Variants in SORCS3 observed in about 807,000 individuals in gnomAD.
SORCS3 encodes the protein VPS10 domain-containing receptor SorCS3.
A neutral mutation model predicts 146.3 loss-of-function variants in SORCS3; 57 were observed. The observed-to-expected ratio is 0.39, with a 90% CI of 0.31 to 0.49. The LOEUF (loss-of-function observed/expected upper bound fraction) is 0.49, where lower values mean the gene tolerates loss of function less well. Ranked by LOEUF, SORCS3 falls within the 20% of genes least tolerant of loss-of-function variation. SORCS3 has a pLI of 0.92. For missense variants in SORCS3, 1,341 were observed against 1,575.5 expected, an observed-to-expected ratio of 0.85 and a Z score of 2.52; for synonymous variants, 653 against 618.5, an observed-to-expected ratio of 1.06 and a Z score of -0.83.
chr10:104,860,855 G>A (rs1028211842), intron 2 of SORCS3, among the ~76,000 whole-genome samples: 4 of 152,132 alleles, frequency 2.6e-5, no homozygotes, highest in Non-Finnish European at 5.9e-5. Context: ...GAGCCTGTGC[G>A]CTTGACCCTC....
intron 16 of SORCS3, among the ~76,000 whole-genome samples, chr10:105,206,178 T>C (rs1589688092): frequency 1.3e-5 from 2 of 152,200 alleles, no homozygotes; most frequent in East Asian, 3.9e-4. Flanking sequence ...AACATTGTTA[T>C]TTACAAAATA....
chr10:104,921,843 C>G (rs910853231), intron 3 of SORCS3, among the ~76,000 whole-genome samples: 1 of 152,098 alleles, frequency 6.6e-6, no homozygotes, highest in African/African-American at 2.4e-5. Context: ...AATCATCACT[C>G]TATTAGTGGT....
intron 1 of SORCS3, among the ~76,000 whole-genome samples, chr10:104,702,172 G>A (rs1390695620): frequency 2.6e-5 from 4 of 152,136 alleles, no homozygotes; most frequent in South Asian, 2.1e-4. Flanking sequence ...CTGTCTATGC[G>A]GACCGCTGTG....
At chr10:105,211,608 A>G (rs1010834715) in intron 17 of SORCS3, among the ~76,000 whole-genome samples, 1 of 152,230 alleles carries the variant, frequency 6.6e-6, no homozygotes, top group African/African-American at 2.4e-5. Flanking sequence ...CTAGTGAAAG[A>G]TGAACTGAAA....
At chr10:104,973,771 C>T (rs954837373) in intron 3 of SORCS3, among the ~76,000 whole-genome samples, 6 of 145,804 alleles carry the variant, frequency 4.1e-5, no homozygotes, top group African/African-American at 1.4e-4. Context: ...TTTTCTAGTT[C>T]TTTTAATTGT....
At chr10:104,989,138 T>G (rs1204572290) in intron 4 of SORCS3, among the ~76,000 whole-genome samples, 3 of 152,342 alleles carry the variant, frequency 2.0e-5, no homozygotes, top group East Asian at 3.9e-4. Context: ...CCGTATAATA[T>G]ATCATTCATT....
chr10:104,847,795 C>T (rs2018223944), intron 2 of SORCS3, among the ~76,000 whole-genome samples: 1 of 152,174 alleles, frequency 6.6e-6, no homozygotes, highest in Admixed American at 6.5e-5. Context: ...ATTGCACCCA[C>T]CCTAGTAGTA....
chr10:105,100,881 G>A (rs143658102), intron 6 of SORCS3, among the ~76,000 whole-genome samples: 1,752 of 152,258 alleles, frequency 0.012, 10 homozygotes, highest in Non-Finnish European at 0.016. Flanking sequence ...GCATAATCTT[G>A]TTTAATCCTG....
At position 105,043,981 on chromosome 10, in the gene SORCS3, T is replaced by C. The variant is rs17118183; in HGVS notation, c.1028+853T>C. On this transcript the variant is annotated intron_variant, in intron 5 of 26. Coordinates refer to ENST00000369701, the MANE Select transcript of SORCS3 (RefSeq NM_014978.3). Reference sequence around the variant, plus strand: ...CATGAAAATGATTCTTACTTTTATCTTGCTTTCATTTTAGCAGAAGTGATG... The same window carrying C: ...CATGAAAATGATTCTTACTTTTATCCTGCTTTCATTTTAGCAGAAGTGATG... Among the ~76,000 whole-genome samples the C allele has an allele frequency of 9.9e-3, 1,510 of 152,258 alleles. 71 individuals carry two copies. Among genetic ancestry groups the C allele is most frequent in the Admixed American group, 0.081 (1,244 of 15,264 alleles).
At chr10:104,892,226 G>A (rs1454252970) in intron 2 of SORCS3, among the ~76,000 whole-genome samples, 1 of 152,202 alleles carries the variant, frequency 6.6e-6, no homozygotes, top group African/African-American at 2.4e-5. Flanking sequence ...TAATGGACTA[G>A]CTCAGTGCTG....
chr10:105,103,321 G>A (rs755116678), intron 6 of SORCS3, among the ~76,000 whole-genome samples: 8 of 152,094 alleles, frequency 5.3e-5, no homozygotes, highest in Non-Finnish European at 1.0e-4. Flanking sequence ...AAGCGTTTGA[G>A]TTTATTAGGA....
chr10:104,668,535 AT>A (rs1451507074), intron 1 of SORCS3, among the ~76,000 whole-genome samples: 2 of 152,164 alleles, frequency 1.3e-5, no homozygotes, highest in Non-Finnish European at 2.9e-5. Flanking sequence ...ATGAATATAT[AT>A]TTGTACCTAC....
At chr10:105,040,446 C>G (rs1029380317) in intron 4 of SORCS3, among the ~76,000 whole-genome samples, 4 of 152,142 alleles carry the variant, frequency 2.6e-5, no homozygotes, top group Admixed American at 6.5e-5. Flanking sequence ...ATATTGGCAC[C>G]TTTGCTCCTG....
At chr10:104,908,368 C>G (rs1357793864) in intron 2 of SORCS3, among the ~76,000 whole-genome samples, 1 of 152,140 alleles carries the variant, frequency 6.6e-6, no homozygotes, top group African/African-American at 2.4e-5. Flanking sequence ...AAAAAGAAAA[C>G]AAGGTGATTT....
At position 105,147,683 on chromosome 10, in the gene SORCS3, G is replaced by A. The variant is rs12218795; in HGVS notation, c.1369G>A (p.Asp457Asn). 8.1e-6 allele frequency: 13 copies of A among 1,613,114 alleles called. No homozygotes were observed. The East Asian group carries it at 1.1e-4, about 14-fold the overall frequency. The change falls in exon 9 of 27, where the codon GAC (aspartate) becomes AAC (asparagine). Residue 457 changes from aspartate to asparagine, a missense_variant. By Grantham distance (23) the Asp-to-Asn change is conservative (BLOSUM62 1). Coordinates refer to ENST00000369701, the MANE Select transcript of SORCS3 (RefSeq NM_014978.3). ...FAAVQEWNQN[D>N]TYNLYISDTR... ...TGCGGTCCAAGAATGGAACCAGAAC[G>A]ACACGTACAACCTCTACATCTCAGA...
intron 1 of SORCS3, among the ~76,000 whole-genome samples, chr10:104,814,443 A>G (rs728453): frequency 0.17 from 25,533 of 152,040 alleles, 2,492 homozygotes; most frequent in African/African-American, 0.27. Flanking sequence ...CCTGATCAGC[A>G]TGCCTCTGTG....
intron 1 of SORCS3, among the ~76,000 whole-genome samples, chr10:104,676,220 C>G (rs1015292508): frequency 3.9e-5 from 6 of 152,050 alleles, no homozygotes; most frequent in Non-Finnish European, 1.5e-5. Context: ...CCTTATTGAA[C>G]AGGTTATGAC....
chr10:104,711,769 G>A (rs772355327), intron 1 of SORCS3, among the ~76,000 whole-genome samples: 1 of 152,228 alleles, frequency 6.6e-6, no homozygotes, highest in Non-Finnish European at 1.5e-5. Context: ...ACAGGCTACT[G>A]AGTCCAGGGT....
At chr10:105,250,032 G>A (rs1411666482) in intron 22 of SORCS3, among the ~76,000 whole-genome samples, 1 of 152,148 alleles carries the variant, frequency 6.6e-6, no homozygotes, top group Non-Finnish European at 1.5e-5. Flanking sequence ...AATTCTGGAG[G>A]CGGAGAAGTA....
Sources: allele counts gnomAD v4.1 joint callset (sites outside exome capture counted in the v4.1 genomes callset), GRCh38; gene constraint gnomAD v4.1.1; transcripts MANE v1.5; gene names NCBI Gene and HGNC (gene_info 2026-07-23, HGNC 2026-07-21).